UBR2: variants seen among roughly 807,000 people sequenced by gnomAD.
UBR2 encodes the protein ubiquitin protein ligase E3 component n-recognin 2, also known as E3 ubiquitin-protein ligase UBR2.
In UBR2, 92 loss-of-function variants were observed where a neutral mutation model predicts 247.9. The ratio of observed to expected loss-of-function variants is 0.37; its 90% CI spans 0.31 to 0.44. UBR2 has a LOEUF of 0.44. Among genes scored for constraint, UBR2 ranks in the 20% least tolerant of loss-of-function variants. The probability of loss-of-function intolerance (pLI) is 1.00; values close to 1 mark genes in which losing one functional copy is unlikely to be tolerated. For missense variants in UBR2, 1,613 were observed against 2,112.6 expected, an observed-to-expected ratio of 0.76 and a Z score of 4.64; for synonymous variants, 672 against 693.5, an observed-to-expected ratio of 0.97 and a Z score of 0.49.
At chr6:42,610,668 TTGCTAGG>T (rs1211944500) in intron 7 of UBR2, among the ~76,000 whole-genome samples, 2 of 152,126 alleles carry the variant, frequency 1.3e-5, no homozygotes, top group Non-Finnish European at 2.9e-5. Flanking sequence ...CAGATGGTGG[TTGCTAGG>T]TGCTAGGGGA....
chr6:42,616,533 T>C (rs541742215), intron 10 of UBR2, among the ~76,000 whole-genome samples: 1 of 152,062 alleles, frequency 6.6e-6, no homozygotes, highest in South Asian at 2.1e-4. Context: ...ATGATCCAAA[T>C]TAAATAGCCT....
At chr6:42,651,389 A>G (rs1797101224) in intron 23 of UBR2, among the ~76,000 whole-genome samples, 1 of 152,026 alleles carries the variant, frequency 6.6e-6, no homozygotes, top group African/African-American at 2.4e-5. Flanking sequence ...TTTCCCTTCT[A>G]ATTTAAAGTA....
rs200262422 is a variant in UBR2 at position 42,603,700 on chromosome 6, C to T, written c.644C>T (p.Pro215Leu). 367 of 1,597,396 alleles carry T rather than the reference C, an allele frequency of 2.3e-4. No individual in the cohort carries two copies. The highest frequency in any genetic ancestry group is 3.0e-4 in the Non-Finnish European group (349 of 1,176,300). The change falls in exon 5 of 47, where the codon CCA becomes CTA. Residue 215 changes from proline to leucine, a missense_variant. Pro to Leu is a moderately conservative substitution (Grantham distance 98, BLOSUM62 -3). Transcript: ENST00000372901. The stretch of plus-strand genomic sequence containing the variant: ...ACCTGGGAAAAAGAAAGTGAATTGC[C>T]AGCAGATTTAGAGATGGTGTAAGTA... ...ILTWEKESEL[P>L]ADLEMVEKSD...
intron 42 of UBR2, 29 bp from the exon 43 acceptor site, chr6:42,683,026 G>T: frequency 6.6e-7 from 1 of 1,509,582 alleles, no homozygotes; most frequent in South Asian, 1.1e-5. Flanking sequence ...AAAGTGTTTT[G>T]TGTTTTTCCC....
intron 44 of UBR2, 159 bp from the exon 45 acceptor site, chr6:42,688,057 C>T (rs947173173): frequency 9.5e-6 from 7 of 733,784 alleles, no homozygotes; most frequent in Non-Finnish European, 1.1e-5. Context: ...AAGATGTTTC[C>T]TATTCCAGAT....
intron 7 of UBR2, among the ~76,000 whole-genome samples, chr6:42,609,773 C>T (rs112030617): frequency 0.023 from 3,531 of 151,302 alleles, 124 homozygotes; most frequent in African/African-American, 0.08. Flanking sequence ...CACACACCTG[C>T]AGTCCCAACT....
At chr6:42,641,832 G>T in intron 17 of UBR2, 140 bp downstream of exon 17, 1 of 586,434 alleles carries the variant, frequency 1.7e-6, no homozygotes. Context: ...AAAACAAAAA[G>T]TTTCTTAAAA....
Position 42,691,147 on chromosome 6 carries a change from G to A in UBR2, c.5242G>A (p.Val1748Ile). 1 of 1,613,994 alleles carries A rather than the reference G, an allele frequency of 6.2e-7. No homozygotes were observed. Among genetic ancestry groups the A allele is most frequent in the Admixed American group, 1.7e-5 (1 of 59,954 alleles). Reference sequence around the variant, plus strand: ...TGCACAGGAAGCCAATCAGACACTGGTTGGCATTGACTGGCAACATTTATA... The same window carrying A: ...TGCACAGGAAGCCAATCAGACACTGATTGGCATTGACTGGCAACATTTATA... ...GHAQEANQTL[V>I]GIDWQHL is the part of the protein sequence containing the mutation. Residue 1748 changes from valine (V) to isoleucine (I), a missense_variant, in exon 47 of 47, where the codon GTT becomes ATT. This residue lies in a region of UBR2 where 80 missense variants were observed against 108.6 expected (regional missense o/e 0.74). Transcript: ENST00000372901.
intron 30 of UBR2, among the ~76,000 whole-genome samples, chr6:42,660,948 C>T (rs753001356): frequency 7.4e-5 from 11 of 148,876 alleles, no homozygotes; most frequent in Non-Finnish European, 1.2e-4. Flanking sequence ...GCCTGGGCAA[C>T]GGAGCGAGAC....
At chr6:42,564,605 A>G (rs562108575) in intron 1 of UBR2, among the ~76,000 whole-genome samples, 7 of 152,290 alleles carry the variant, frequency 4.6e-5, no homozygotes, top group Admixed American at 2.0e-4. Flanking sequence ...TGCGCTGTGC[A>G]CTAACTACGT....
At chr6:42,683,741 A>G (rs1799190784) in intron 43 of UBR2, among the ~76,000 whole-genome samples, 1 of 152,246 alleles carries the variant, frequency 6.6e-6, no homozygotes, top group Admixed American at 6.5e-5. Flanking sequence ...TTCAGGTTTT[A>G]ACAGTAGAGA....
chr6:42,603,589 A>T lies in UBR2; in HGVS notation c.533A>T (p.Asp178Val). The change falls in exon 5 of 47, where the codon GAT becomes GTT. Residue 178 changes from aspartate to valine, a missense_variant and splice_region_variant. By Grantham distance (152) the Asp-to-Val change is radical. This residue lies in a region of UBR2 where 1,524 missense variants were observed against 1,967.3 expected (regional missense o/e 0.77). Transcript: ENST00000372901. Reference protein sequence around the residue: ...LNTSEIEEEEDPLVHLSEDVI... With the variant: ...LNTSEIEEEEVPLVHLSEDVI... ...TTTTTTTTCTGTTGTTTCTTTCAGG[A>T]TCCTCTTGTTCATTTATCAGAAGAT... is the stretch of plus-strand genomic sequence containing the variant. 1.3e-6 allele frequency: 2 copies of T among 1,550,028 alleles called. No homozygotes were observed. The highest frequency in any genetic ancestry group is 1.4e-5 in the African/African-American group (1 of 70,506).
At position 42,603,708 on chromosome 6, in the gene UBR2, T is replaced by A. The variant is rs1459212300; in HGVS notation, c.652T>A (p.Leu218Ile). Residue 218 changes from leucine (L) to isoleucine (I), a missense_variant, in exon 5 of 47, where the codon TTA becomes ATA. Leu to Ile is a conservative substitution (Grantham distance 5). Coordinates refer to ENST00000372901, the MANE Select transcript of UBR2 (RefSeq NM_001363705.2). The stretch of plus-strand genomic sequence containing the variant: ...AAAAGAAAGTGAATTGCCAGCAGAT[T>A]TAGAGATGGTGTAAGTATAACCTGT... ...WEKESELPAD[L>I]EMVEKSDTYY... 1 of 1,596,870 alleles carries A rather than the reference T, an allele frequency of 6.3e-7. No individual in the cohort carries two copies. The highest frequency in any genetic ancestry group is 2.3e-5 in the East Asian group (1 of 44,302).
chr6:42,566,057 T>TA (rs1790759526), intron 1 of UBR2, among the ~76,000 whole-genome samples: 1 of 152,166 alleles, frequency 6.6e-6, no homozygotes, highest in African/African-American at 2.4e-5. Flanking sequence ...TTCTAATTGA[T>TA]ATCTGTTGCT....
intron 4 of UBR2, among the ~76,000 whole-genome samples, chr6:42,595,144 C>T (rs955487608): frequency 2.5e-4 from 38 of 152,216 alleles, no homozygotes; most frequent in African/African-American, 8.2e-4. Flanking sequence ...AAGCATTTAA[C>T]ATTATTTGGT....
chr6:42,589,076 A>G (rs1469746511), intron 2 of UBR2, among the ~76,000 whole-genome samples: 1 of 152,022 alleles, frequency 6.6e-6, no homozygotes, highest in Non-Finnish European at 1.5e-5. Context: ...AAACACCTGG[A>G]CTTGGGATCC....
At chr6:42,626,720 G>C (rs978722760) in intron 11 of UBR2, among the ~76,000 whole-genome samples, 2 of 152,188 alleles carry the variant, frequency 1.3e-5, no homozygotes, top group African/African-American at 4.8e-5. Flanking sequence ...CCTAGAATTC[G>C]AGTTTGTTCA....
chr6:42,627,775 G>T (rs145837242), intron 11 of UBR2, among the ~76,000 whole-genome samples: 1 of 152,106 alleles, frequency 6.6e-6, no homozygotes, highest in East Asian at 1.9e-4. Context: ...GCCTCCCAAA[G>T]TACTAGCATT....
intron 3 of UBR2, among the ~76,000 whole-genome samples, chr6:42,592,566 T>A (rs1451810256): frequency 1.3e-5 from 2 of 152,208 alleles, no homozygotes; most frequent in South Asian, 4.1e-4. Context: ...ACCCACCAGT[T>A]TAGTATTTTT....
Sources: allele counts gnomAD v4.1 joint callset (sites outside exome capture counted in the v4.1 genomes callset), GRCh38; gene constraint gnomAD v4.1.1; regional missense constraint gnomAD v4.1.1; transcripts MANE v1.5; gene names NCBI Gene and HGNC (gene_info 2026-07-23, HGNC 2026-07-21).